FOXK1: variants seen among roughly 807,000 people sequenced by gnomAD.
FOXK1 encodes forkhead box K1.
FOXK1 carries 19 observed loss-of-function variants against 51.9 expected under a neutral mutation model. The observed-to-expected ratio is 0.37, with a 90% CI of 0.26 to 0.54. FOXK1 has a LOEUF of 0.54. Ranked by LOEUF, FOXK1 falls within the 20% of genes least tolerant of loss-of-function variation. FOXK1 has a pLI of 0.87. For missense variants in FOXK1, 870 were observed against 1,032.7 expected, an observed-to-expected ratio of 0.84 and a Z score of 2.16; for synonymous variants, 537 against 482.6, an observed-to-expected ratio of 1.11 and a Z score of -1.48.
chr7:4,686,923 A>AT (rs1424528142), intron 1 of FOXK1, among the ~76,000 whole-genome samples: 2 of 145,968 alleles, frequency 1.4e-5, no homozygotes, highest in South Asian at 2.1e-4. Flanking sequence ...ATGCCACTTA[A>AT]TTTTTTTTCT....
intron 1 of FOXK1, among the ~76,000 whole-genome samples, chr7:4,699,101 T>C (rs545789329): frequency 6.6e-6 from 1 of 152,322 alleles, no homozygotes; most frequent in Admixed American, 6.5e-5. Context: ...TTTTTAGTCA[T>C]CTGAATCTGG....
In FOXK1 at chr7:4,715,971, C is replaced by T. The variant is rs1780228476; in HGVS notation, c.561-24867C>T. Among the ~76,000 whole-genome samples, 1 of 152,188 alleles carries T rather than the reference C, an allele frequency of 6.6e-6. No individual in the cohort carries two copies. The highest frequency in any genetic ancestry group is 1.5e-5 in the Non-Finnish European group (1 of 68,044). ...CCTCAGTCAGGCGCAGTGGTTCACG[C>T]CTGTAATCCCAGCACTTTGGGAGGC... is the stretch of plus-strand genomic sequence containing the variant. On this transcript the variant is annotated intron_variant, in intron 1 of 8. Transcript: ENST00000328914. The surrounding 1 kb of genome is among the most constrained non-coding windows in gnomAD (Gnocchi z 4.5).
intron 1 of FOXK1, among the ~76,000 whole-genome samples, chr7:4,688,620 C>T (rs574360110): frequency 6.6e-6 from 1 of 152,186 alleles, no homozygotes; most frequent in East Asian, 1.9e-4. Context: ...AGTCCTGTCT[C>T]CAGTGATCTG....
At position 4,707,374 on chromosome 7, in the gene FOXK1, A is replaced by G. The variant is rs1021700566; in HGVS notation, c.560+24506A>G. ...GACGGAGAGTGCAATTTACATAACA[A>G]TTAAGCTAGTTTAGTACATCCGGCA... On this transcript the variant is annotated intron_variant, in intron 1 of 8. Transcript: ENST00000328914. This position sits in a 1 kb window ranked among gnomAD's most constrained non-coding sequence, Gnocchi z 4.1. Among the ~76,000 whole-genome samples the G allele has an allele frequency of 1.3e-5, 2 of 152,222 alleles. No individual in the cohort carries two copies. The highest frequency in any genetic ancestry group is 1.9e-4 in the East Asian group (1 of 5,192).
At chr7:4,739,063 C>G (rs1048240780) in intron 1 of FOXK1, among the ~76,000 whole-genome samples, 8 of 152,212 alleles carry the variant, frequency 5.3e-5, no homozygotes, top group African/African-American at 1.9e-4. Context: ...AAGGGACTTT[C>G]ATATGAAAGA....
chr7:4,737,932 G>A (rs1235456998), intron 1 of FOXK1, among the ~76,000 whole-genome samples: 3 of 152,142 alleles, frequency 2.0e-5, no homozygotes, highest in African/African-American at 7.2e-5. Flanking sequence ...AGACCAGCCT[G>A]ACCAACATGG....
At position 4,761,205 on chromosome 7, in the gene FOXK1, G is replaced by GGCA. The variant is rs765180871; in HGVS notation, c.1842_1844dup (p.Gln614dup). 8 of 1,612,976 alleles carry GGCA rather than the reference G, an allele frequency of 5.0e-6. No individual in the cohort carries two copies. The East Asian group carries it at 1.8e-4, about 36-fold the overall frequency. On this transcript the variant is annotated inframe_insertion, in exon 8 of 9. Coordinates refer to ENST00000328914, the MANE Select transcript of FOXK1 (RefSeq NM_001037165.2). The surrounding 1 kb of genome is among the most constrained non-coding windows in gnomAD (Gnocchi z 6.2). ...CAGCCCGCCACACCCGTGACCCTCG[G>GGCA]GCAGCACCACCTTCCAGTCCGGGCC...
chr7:4,698,648 G>A (rs945896748), intron 1 of FOXK1, among the ~76,000 whole-genome samples: 16 of 151,936 alleles, frequency 1.1e-4, no homozygotes, highest in African/African-American at 3.6e-4. Context: ...GACCTCCCAG[G>A]CTCAAGTGAT....
chr7:4,720,557 A>T (rs966404065), intron 1 of FOXK1, among the ~76,000 whole-genome samples: 1 of 151,916 alleles, frequency 6.6e-6, no homozygotes, highest in African/African-American at 2.4e-5. Flanking sequence ...CTCAGTGGGG[A>T]TGGGCAGCCT....
chr7:4,682,392 A>AGCCGCC lies in FOXK1; in HGVS notation c.94_99dup (p.Ala32_Ala33dup), dbSNP rs947340031. 22 of 980,360 alleles carry AGCCGCC rather than the reference A, an allele frequency of 2.2e-5. No individual in the cohort carries two copies. The South Asian group carries it at 6.8e-4, about 30-fold the overall frequency. The allele number at this position is 980,360 out of a possible 1,614,324, so 60.7% of individuals were successfully genotyped here. A position where few individuals can be genotyped will look rare whatever the true frequency, so the allele number is the denominator to read the frequency against. On this transcript the variant is annotated inframe_insertion, in exon 1 of 9. Transcript: ENST00000328914. The surrounding 1 kb of genome is among the most constrained non-coding windows in gnomAD (Gnocchi z 7.6). ...CCTGCAGCCCAGTGCTGTGCGCCGCAGCCGCCGCCGCCGCCTTCCCCGCGG... is the reference window on the plus strand; with the variant it reads ...CCTGCAGCCCAGTGCTGTGCGCCGCAGCCGCCGCCGCCGCCGCCGCCTTCCCCGCGG...
Position 4,759,422 on chromosome 7 carries a change from C to T in FOXK1, c.1523C>T (p.Pro508Leu). Residue 508 changes from proline (P) to leucine (L), a missense_variant, in exon 7 of 9, where the codon CCC becomes CTC. By Grantham distance (98) the Pro-to-Leu change is moderately conservative (BLOSUM62 -3). Around this residue, in one of 3 missense-constraint regions of FOXK1, gnomAD observed 457 missense variants for 510.8 expected, o/e 0.89. Coordinates refer to ENST00000328914, the MANE Select transcript of FOXK1 (RefSeq NM_001037165.2). The part of the protein sequence containing the change: ...MPASIVTSQQ[P>L]AGHAIHVVQQ... ...GCCTCCATCGTAACCTCACAGCAGC[C>T]CGCGGGCCACGCCATCCACGTCGTG... 6.3e-7 allele frequency: 1 copy of T among 1,597,884 alleles called. No homozygotes were observed. The highest frequency in any genetic ancestry group is 8.5e-7 in the Non-Finnish European group (1 of 1,176,892).
At chr7:4,686,397 G>A (rs781589534) in intron 1 of FOXK1, among the ~76,000 whole-genome samples, 1 of 152,154 alleles carries the variant, frequency 6.6e-6, no homozygotes, top group Non-Finnish European at 1.5e-5. Flanking sequence ...CTGGAAGTAC[G>A]TAATTCCAAA....
Position 4,755,168 on chromosome 7 carries a change from G to C in FOXK1, c.904-69G>C. 8 of 1,575,830 alleles carry C rather than the reference G, an allele frequency of 5.1e-6. No homozygotes were observed. The highest frequency in any genetic ancestry group is 3.4e-4 in the Middle Eastern group (2 of 5,920). On this transcript the variant is annotated intron_variant, in intron 3 of 8. Transcript: ENST00000328914. The surrounding 1 kb of genome is among the most constrained non-coding windows in gnomAD (Gnocchi z 6.6). ...GTGGGAAGGTTCCTCCCCATCAGCT[G>C]TGACGGGTGGGTGGGGTAGACTCAG...
rs1247154232 is a variant in FOXK1, at chr7:4,682,902, C to T, written c.560+34C>T. 1 of 1,425,612 alleles carries T rather than the reference C, an allele frequency of 7.0e-7. No homozygotes were observed. The highest frequency in any genetic ancestry group is 9.2e-7 in the Non-Finnish European group (1 of 1,086,896). The allele number at this position is 1,425,612 out of a possible 1,614,324, so 88.3% of individuals were successfully genotyped here. A position where few individuals can be genotyped will look rare whatever the true frequency, so the allele number is the denominator to read the frequency against. On this transcript the variant is annotated intron_variant, in intron 1 of 8. Transcript: ENST00000328914. The surrounding 1 kb of genome is among the most constrained non-coding windows in gnomAD (Gnocchi z 7.6). Reference sequence around the variant, plus strand: ...CCCCGCGACCCCCGCCGCCCGCACCCGGGGCTCGCCCACGACCTCGATCTC... The same window carrying T: ...CCCCGCGACCCCCGCCGCCCGCACCTGGGGCTCGCCCACGACCTCGATCTC...
At chr7:4,684,008 C>T (rs1779787031) in intron 1 of FOXK1, among the ~76,000 whole-genome samples, 5 of 152,144 alleles carry the variant, frequency 3.3e-5, no homozygotes, top group Admixed American at 3.3e-4. Flanking sequence ...AGAGACCCAG[C>T]TGGGCCTGGA....
rs1046840297 is a variant in FOXK1 at position 4,747,194 on chromosome 7, A to G, written c.746+6171A>G. Among the ~76,000 whole-genome samples the G allele has an allele frequency of 3.9e-5, 6 of 152,188 alleles. No homozygotes were observed. The highest frequency in any genetic ancestry group is 2.1e-4 in the South Asian group (1 of 4,830). On this transcript the variant is annotated intron_variant, in intron 2 of 8. Transcript: ENST00000328914. The surrounding 1 kb of genome is among the most constrained non-coding windows in gnomAD (Gnocchi z 9.2). ...CGACTTCTCAGGTCAGCCTCGGGTGACAAGCGGCTTGTGTGGAGTAGGCCT... is the reference window on the plus strand; with the variant it reads ...CGACTTCTCAGGTCAGCCTCGGGTGGCAAGCGGCTTGTGTGGAGTAGGCCT...
intron 1 of FOXK1, among the ~76,000 whole-genome samples, chr7:4,721,621 T>G (rs1780313510): frequency 6.8e-6 from 1 of 147,622 alleles, no homozygotes; most frequent in African/African-American, 2.5e-5. Flanking sequence ...GTCAGAGTCT[T>G]GTTGTGTCAC....
At chr7:4,705,981 TAC>T (rs1167355976) in intron 1 of FOXK1, among the ~76,000 whole-genome samples, 1 of 98,300 alleles carries the variant, frequency 1.0e-5, no homozygotes, top group African/African-American at 6.4e-5. Flanking sequence ...TACGTATATA[TAC>T]GTATATATAC....
chr7:4,735,011 C>T lies in FOXK1; in HGVS notation c.561-5827C>T, dbSNP rs1780534891. On this transcript the variant is annotated intron_variant, in intron 1 of 8. Transcript: ENST00000328914. The surrounding 1 kb of genome is among the most constrained non-coding windows in gnomAD (Gnocchi z 4.7). ...ACAATTGTATTTATATTTATGTCAT[C>T]GAGAATTAAGTGAGCTATTTTTATT... Among the ~76,000 whole-genome samples the T allele has an allele frequency of 6.6e-6, 1 of 152,110 alleles. No individual in the cohort carries two copies. Among genetic ancestry groups the T allele is most frequent in the Non-Finnish European group, 1.5e-5 (1 of 68,018 alleles).
Sources: gnomAD v4.1 joint callset for allele counts (sites outside exome capture counted in the v4.1 genomes callset) on GRCh38, gnomAD v4.1.1 for gene constraint, gnomAD v4.1.1 regional missense constraint, Gnocchi (gnomAD v3.1) non-coding constraint, MANE v1.5 for transcripts, NCBI Gene and HGNC (gene_info 2026-07-23, HGNC 2026-07-21) for gene names.